The following PPM1L variants were observed in gnomAD, a reference collection of about 807,000 sequenced individuals.
PPM1L encodes the protein protein phosphatase, Mg2+/Mn2+ dependent 1L, also known as protein phosphatase 1L.
PPM1L carries 13 observed loss-of-function variants against 31.4 expected under a neutral mutation model. That is an observed-to-expected ratio of 0.41 (90% confidence interval 0.27 to 0.66). PPM1L has a LOEUF of 0.66. Ranked by LOEUF, PPM1L falls within the 30% of genes least tolerant of loss-of-function variation. The pLI, the probability that PPM1L is intolerant of heterozygous loss-of-function variation, is 0.29. For synonymous variants in PPM1L, 184 were observed against 175.4 expected (o/e 1.05, Z -0.39); for missense variants, 326 against 453.7 (o/e 0.72, Z 2.56).
Position 161,070,811 on chromosome 3 carries a change from G to C in PPM1L, c.*1654G>C, listed in dbSNP as rs1719888922. On this transcript the variant is annotated 3_prime_UTR_variant, in exon 4 of 4. Coordinates refer to ENST00000498165, the MANE Select transcript of PPM1L (RefSeq NM_139245.4). ...AGAGTTTTCCCAAAGCAGTGTCCAG[G>C]AGAGAATTTGAGAGAGTGAAGAAAT... 1 of 152,184 alleles carries C rather than the reference G, an allele frequency of 6.6e-6. No homozygotes were observed. The highest frequency in any genetic ancestry group is 2.4e-5 in the African/African-American group (1 of 41,438). 9.4% of individuals were successfully genotyped at this position (152,184 alleles called of 1,614,324 possible). A position where few individuals can be genotyped will look rare whatever the true frequency, so the allele number is the denominator to read the frequency against.
intron 1 of PPM1L, among the ~76,000 whole-genome samples, chr3:160,923,762 A>G (rs1714497164): frequency 6.6e-6 from 1 of 152,192 alleles, no homozygotes; most frequent in South Asian, 2.1e-4. Context: ...ATGCCCCAAG[A>G]ATGATTCTCT....
At chr3:161,018,220 T>C (rs1348501193) in intron 2 of PPM1L, among the ~76,000 whole-genome samples, 1 of 152,200 alleles carries the variant, frequency 6.6e-6, no homozygotes, top group Non-Finnish European at 1.5e-5. Flanking sequence ...GAATTCTCCA[T>C]GGTGGATCAC....
chr3:160,972,901 G>A (rs1328383526), intron 2 of PPM1L, among the ~76,000 whole-genome samples: 1 of 152,162 alleles, frequency 6.6e-6, no homozygotes, highest in Non-Finnish European at 1.5e-5. Flanking sequence ...TGTAACTGGT[G>A]TGAGATGGTA....
intron 2 of PPM1L, among the ~76,000 whole-genome samples, chr3:161,058,390 G>T (rs1482464507): frequency 6.6e-6 from 1 of 151,704 alleles, no homozygotes; most frequent in South Asian, 2.1e-4. Context: ...CTCCGAAAGT[G>T]CTGGGATTAC....
At chr3:160,883,019 T>C (rs1008191304) in intron 1 of PPM1L, among the ~76,000 whole-genome samples, 1 of 152,224 alleles carries the variant, frequency 6.6e-6, no homozygotes, top group Non-Finnish European at 1.5e-5. Context: ...GAGTGAAATA[T>C]ATTCTACATG....
chr3:160,813,590 T>A (rs193001958), intron 1 of PPM1L, among the ~76,000 whole-genome samples: 10 of 152,292 alleles, frequency 6.6e-5, no homozygotes, highest in African/African-American at 2.4e-4. Context: ...TCCACCTGCC[T>A]CAGCCACCCA....
chr3:160,873,203 C>T (rs562659028), intron 1 of PPM1L, among the ~76,000 whole-genome samples: 1 of 152,290 alleles, frequency 6.6e-6, no homozygotes, highest in African/African-American at 2.4e-5. Context: ...GTCTTTCTGT[C>T]ACCAAGGTAT....
At position 160,920,658 on chromosome 3, in the gene PPM1L, CACACACACAT is replaced by C. The variant is rs1396797144; in HGVS notation, c.400-41076_400-41067del. On this transcript the variant is annotated intron_variant, in intron 1 of 3. Coordinates refer to ENST00000498165, the MANE Select transcript of PPM1L (RefSeq NM_139245.4). ...ACACACTCACACACACACACACACA[CACACACACAT>C]ATTAAAGATCTGAGAGTATTTGTTT... is the stretch of plus-strand genomic sequence containing the variant. Among the ~76,000 whole-genome samples the C allele has an allele frequency of 2.1e-4, 31 of 150,504 alleles. 1 individual carries two copies. Among genetic ancestry groups the C allele is most frequent in the South Asian group, 4.2e-4 (2 of 4,712 alleles).
At chr3:160,901,844 T>C (rs1447725723) in intron 1 of PPM1L, among the ~76,000 whole-genome samples, 1 of 152,178 alleles carries the variant, frequency 6.6e-6, no homozygotes, top group Non-Finnish European at 1.5e-5. Context: ...CCTCATAGGG[T>C]GTGGAAAATC....
chr3:160,953,707 C>T (rs1172892756), intron 1 of PPM1L, among the ~76,000 whole-genome samples: 1 of 152,134 alleles, frequency 6.6e-6, no homozygotes, highest in Non-Finnish European at 1.5e-5. Flanking sequence ...CTTTTCCTCA[C>T]AGAGATTTTG....
At chr3:161,066,204 G>A (rs146793894) in intron 3 of PPM1L, among the ~76,000 whole-genome samples, 130 of 152,308 alleles carry the variant, frequency 8.5e-4, no homozygotes, top group Middle Eastern at 3.4e-3. Flanking sequence ...TTAGTGCCTG[G>A]TATAAGTAAA....
At chr3:160,962,373 G>A (rs1715997403) in intron 2 of PPM1L, among the ~76,000 whole-genome samples, 1 of 151,680 alleles carries the variant, frequency 6.6e-6, no homozygotes, top group African/African-American at 2.4e-5. Context: ...TCATCTCACT[G>A]CCTGCCATAG....
At chr3:160,839,124 G>A (rs1713796735) in intron 1 of PPM1L, among the ~76,000 whole-genome samples, 1 of 152,144 alleles carries the variant, frequency 6.6e-6, no homozygotes, top group Admixed American at 6.5e-5. Context: ...TATGCTCTTT[G>A]ACTTCCCAGC....
At chr3:160,812,597 C>T (rs1434434027) in intron 1 of PPM1L, among the ~76,000 whole-genome samples, 2 of 151,712 alleles carry the variant, frequency 1.3e-5, no homozygotes, top group East Asian at 1.9e-4. Context: ...TAATAGAAAA[C>T]GTTTAATAGG....
At chr3:160,934,975 A>T (rs1343491229) in intron 1 of PPM1L, among the ~76,000 whole-genome samples, 1 of 152,178 alleles carries the variant, frequency 6.6e-6, no homozygotes, top group Non-Finnish European at 1.5e-5. Context: ...ACATCATTAA[A>T]TCATGTTTTA....
intron 2 of PPM1L, among the ~76,000 whole-genome samples, chr3:160,982,013 G>T (rs1430521172): frequency 6.6e-6 from 1 of 152,070 alleles, no homozygotes; most frequent in Non-Finnish European, 1.5e-5. Context: ...TGATCCACCT[G>T]CCTTGGCCTC....
At chr3:161,059,408 G>C (rs1719510476) in intron 2 of PPM1L, among the ~76,000 whole-genome samples, 1 of 152,134 alleles carries the variant, frequency 6.6e-6, no homozygotes, top group African/African-American at 2.4e-5. Context: ...AGTGTATTTT[G>C]CTACATCTGA....
At chr3:161,009,763 A>G (rs1160036267) in intron 2 of PPM1L, among the ~76,000 whole-genome samples, 2 of 152,212 alleles carry the variant, frequency 1.3e-5, no homozygotes, top group Non-Finnish European at 2.9e-5. Flanking sequence ...AAGTGATAAA[A>G]GCAAAGCTCA....
intron 1 of PPM1L, among the ~76,000 whole-genome samples, chr3:160,795,434 G>A (rs1712218693): frequency 6.6e-6 from 1 of 152,124 alleles, no homozygotes. Context: ...AAAACTGACT[G>A]CAGACATTGC....
Sources: allele counts gnomAD v4.1 joint callset (sites outside exome capture counted in the v4.1 genomes callset), GRCh38; gene constraint gnomAD v4.1.1; transcripts MANE v1.5; gene names NCBI Gene and HGNC (gene_info 2026-07-23, HGNC 2026-07-21).